Variants in XYLT1 observed in about 807,000 individuals in gnomAD.
XYLT1 encodes beta-D-xylosyltransferase 1.
A neutral mutation model predicts 91.3 loss-of-function variants in XYLT1; 36 were observed. That is an observed-to-expected ratio of 0.39 (90% CI 0.30 to 0.52). XYLT1 has a LOEUF of 0.52. Among genes scored for constraint, XYLT1 ranks in the 20% least tolerant of loss-of-function variants. The pLI is 0.68. For synonymous variants in XYLT1, 588 were observed against 532.0 expected, an observed-to-expected ratio of 1.11 and a Z score of -1.45; for missense variants, 1,242 against 1,284.5, an observed-to-expected ratio of 0.97 and a Z score of 0.51.
intron 2 of XYLT1, among the ~76,000 whole-genome samples, chr16:17,275,780 G>A (rs1008599294): frequency 2.0e-5 from 3 of 152,138 alleles, no homozygotes; most frequent in African/African-American, 2.4e-5. Context: ...GGGCACTTAA[G>A]GAGACAAATG....
intron 3 of XYLT1, among the ~76,000 whole-genome samples, chr16:17,213,276 G>T (rs2032796778): frequency 6.6e-6 from 1 of 152,040 alleles, no homozygotes; most frequent in Non-Finnish European, 1.5e-5. Context: ...AAGTTTCCTG[G>T]GGCCTCCTCA....
chr16:17,327,926 G>A (rs2034837508), intron 2 of XYLT1, among the ~76,000 whole-genome samples: 1 of 152,080 alleles, frequency 6.6e-6, no homozygotes, highest in Non-Finnish European at 1.5e-5. Context: ...TGCAAAGTGT[G>A]AGGCTCCAGC....
intron 1 of XYLT1, among the ~76,000 whole-genome samples, chr16:17,379,314 T>C (rs2141881666): frequency 6.6e-6 from 1 of 152,324 alleles, no homozygotes; most frequent in African/African-American, 2.4e-5. Context: ...CAGCAGCTTC[T>C]CCAAAACTCA....
chr16:17,157,452 A>G (rs112777226), intron 6 of XYLT1, among the ~76,000 whole-genome samples: 2,265 of 152,270 alleles, frequency 0.015, 50 homozygotes, highest in African/African-American at 0.05. Context: ...GGACCGAGCG[A>G]CCTAAGATCC....
chr16:17,113,082 G>A lies in XYLT1; in HGVS notation c.2558-4065C>T, dbSNP rs181286991. 6.6e-5 allele frequency among the ~76,000 whole-genome samples: 10 copies of A among 151,972 alleles called. No homozygotes were observed. In the East Asian group the frequency reaches 7.8e-4, roughly 12 times the overall value. ...TTGAACTCCCGAGCTCAGGTGATCC[G>A]CCCACCTCAGCCTCCCAAAGTGCTG... On this transcript the variant is annotated intron_variant, in intron 11 of 11. Coordinates refer to ENST00000261381, the MANE Select transcript of XYLT1 (RefSeq NM_022166.4).
intron 2 of XYLT1, among the ~76,000 whole-genome samples, chr16:17,262,478 T>C (rs1352923143): frequency 2.6e-5 from 4 of 152,174 alleles, no homozygotes; most frequent in Non-Finnish European, 5.9e-5. Flanking sequence ...AGTGGAATAA[T>C]GGGTATCACC....
At chr16:17,339,148 C>T (rs2035030924) in intron 2 of XYLT1, among the ~76,000 whole-genome samples, 1 of 152,174 alleles carries the variant, frequency 6.6e-6, no homozygotes, top group Non-Finnish European at 1.5e-5. Flanking sequence ...TTTCTCTCTC[C>T]ATCTAGCCCA....
intron 10 of XYLT1, among the ~76,000 whole-genome samples, chr16:17,121,013 T>C (rs954135742): frequency 1.3e-5 from 2 of 152,220 alleles, no homozygotes; most frequent in African/African-American, 4.8e-5. Context: ...GTCTGTCTGT[T>C]AATCAATCTA....
At chr16:17,450,469 G>A (rs185727059) in intron 1 of XYLT1, among the ~76,000 whole-genome samples, 4 of 152,330 alleles carry the variant, frequency 2.6e-5, no homozygotes, top group Admixed American at 1.3e-4. Flanking sequence ...AAACAGCCAC[G>A]TACACATGGA....
At chr16:17,112,113 G>A (rs562694558) in intron 11 of XYLT1, among the ~76,000 whole-genome samples, 1 of 152,294 alleles carries the variant, frequency 6.6e-6, no homozygotes, top group South Asian at 2.1e-4. Context: ...GCCAAATATT[G>A]TGGTTGATGC....
chr16:17,320,970 T>C (rs986277139), intron 2 of XYLT1, among the ~76,000 whole-genome samples: 3 of 152,118 alleles, frequency 2.0e-5, no homozygotes, highest in Non-Finnish European at 2.9e-5. Context: ...AAATGTCATC[T>C]AGGGTAGGTG....
At chr16:17,447,249 G>A (rs920284472) in intron 1 of XYLT1, among the ~76,000 whole-genome samples, 1 of 152,096 alleles carries the variant, frequency 6.6e-6, no homozygotes, top group Admixed American at 6.5e-5. Context: ...CTCAACACAG[G>A]ACAGAGAGAC....
chr16:17,373,148 T>A (rs1351304199), intron 1 of XYLT1, among the ~76,000 whole-genome samples: 1 of 152,164 alleles, frequency 6.6e-6, no homozygotes, highest in Non-Finnish European at 1.5e-5. Context: ...TTATTTTTTG[T>A]TTTGTTTCGT....
At chr16:17,384,073 G>A (rs2035717697) in intron 1 of XYLT1, among the ~76,000 whole-genome samples, 1 of 151,798 alleles carries the variant, frequency 6.6e-6, no homozygotes, top group African/African-American at 2.4e-5. Context: ...ACCTCTTAAA[G>A]CTTTCCGGTT....
chr16:17,459,410 T>C (rs375188491), intron 1 of XYLT1, among the ~76,000 whole-genome samples: 1 of 152,178 alleles, frequency 6.6e-6, no homozygotes, highest in Non-Finnish European at 1.5e-5. Flanking sequence ...GAATAAATGT[T>C]GTACAGATAC....
chr16:17,308,594 C>T (rs1479613308), intron 2 of XYLT1, among the ~76,000 whole-genome samples: 1 of 152,142 alleles, frequency 6.6e-6, no homozygotes, highest in Non-Finnish European at 1.5e-5. Flanking sequence ...CAAGCTGGTT[C>T]GGTCCACACT....
At chr16:17,310,780 C>A (rs542157516) in intron 2 of XYLT1, among the ~76,000 whole-genome samples, 3 of 152,204 alleles carry the variant, frequency 2.0e-5, no homozygotes, top group Admixed American at 2.0e-4. Flanking sequence ...ACCTAGGAGG[C>A]AGAGGTTGCA....
intron 3 of XYLT1, among the ~76,000 whole-genome samples, chr16:17,254,076 T>C (rs1055537391): frequency 3.9e-5 from 6 of 152,192 alleles, no homozygotes; most frequent in African/African-American, 1.4e-4. Context: ...GGGTTCACAA[T>C]AGACTCAGCC....
chr16:17,148,949 T>C (rs1028341903), intron 6 of XYLT1, among the ~76,000 whole-genome samples: 1 of 152,242 alleles, frequency 6.6e-6, no homozygotes, highest in African/African-American at 2.4e-5. Context: ...TGCATTCAGT[T>C]TTACTTCCTA....
Sources: allele counts gnomAD v4.1 joint callset (sites outside exome capture counted in the v4.1 genomes callset), GRCh38; gene constraint gnomAD v4.1.1; transcripts MANE v1.5; gene names NCBI Gene and HGNC (gene_info 2026-07-23, HGNC 2026-07-21).